Variants in MYRIP observed in about 807,000 individuals in gnomAD.
MYRIP encodes the protein myosin VIIA and Rab interacting protein, also known as rab effector MyRIP.
A neutral mutation model predicts 98.0 loss-of-function variants in MYRIP; 49 were observed. The observed-to-expected ratio is 0.50, with a 90% CI of 0.40 to 0.63. MYRIP has a LOEUF of 0.63. MYRIP is among the 30% of genes least tolerant of loss of function. The probability of loss-of-function intolerance (pLI) is 0.00; values close to 1 mark genes in which losing one functional copy is unlikely to be tolerated. For synonymous variants in MYRIP, 404 were observed against 409.5 expected, an observed-to-expected ratio of 0.99 and a Z score of 0.16; for missense variants, 1,004 against 1,058.2, an observed-to-expected ratio of 0.95 and a Z score of 0.71.
At chr3:40,064,015 A>G (rs1948076946) in intron 3 of MYRIP, among the ~76,000 whole-genome samples, 1 of 152,136 alleles carries the variant, frequency 6.6e-6, no homozygotes, top group Non-Finnish European at 1.5e-5. Context: ...GGCAGGCTAT[A>G]TAAAGTAAAG....
intron 3 of MYRIP, among the ~76,000 whole-genome samples, chr3:40,150,665 A>T (rs1950101605): frequency 6.6e-6 from 1 of 152,208 alleles, no homozygotes; most frequent in Admixed American, 6.5e-5. Context: ...TCCTGGTCGC[A>T]TCTAAGTTCA....
At chr3:40,048,642 A>G (rs1354264208) in intron 3 of MYRIP, among the ~76,000 whole-genome samples, 1 of 152,154 alleles carries the variant, frequency 6.6e-6, no homozygotes, top group Non-Finnish European at 1.5e-5. Flanking sequence ...TCAGTGAAAA[A>G]CAATCCATAT....
At chr3:39,868,772 C>A (rs947953878) in intron 1 of MYRIP, among the ~76,000 whole-genome samples, 5 of 152,158 alleles carry the variant, frequency 3.3e-5, no homozygotes, top group Non-Finnish European at 7.3e-5. Context: ...ACCCCAAACA[C>A]CTCCTTTACG....
intron 3 of MYRIP, among the ~76,000 whole-genome samples, chr3:40,078,781 A>T (rs1316855998): frequency 6.6e-6 from 1 of 152,198 alleles, no homozygotes; most frequent in Non-Finnish European, 1.5e-5. Context: ...TCTGCCAAGA[A>T]TTGGCTTGTG....
intron 8 of MYRIP, chr3:40,173,657 C>A (rs1440880170): frequency 6.6e-6 from 1 of 152,276 alleles, no homozygotes; most frequent in Admixed American, 6.5e-5. Flanking sequence ...AGGGGAATCT[C>A]CCGCCTGGCT....
intron 13 of MYRIP, among the ~76,000 whole-genome samples, chr3:40,245,772 G>A: frequency 9.1e-6 from 1 of 109,624 alleles, no homozygotes; most frequent in African/African-American, 4.6e-5. Flanking sequence ...TTTTGAGACA[G>A]AGTCTTACTC....
chr3:40,002,333 G>A lies in MYRIP; in HGVS notation c.111-41717G>A, dbSNP rs764209966. ...GTGGATCACCTGAGGTCAGGAGTTCGAGACCAGCCTGGCCAACATGGTGAA... is the reference window on the plus strand; with the variant it reads ...GTGGATCACCTGAGGTCAGGAGTTCAAGACCAGCCTGGCCAACATGGTGAA... On this transcript the variant is annotated intron_variant, in intron 2 of 16. Coordinates refer to ENST00000302541, the MANE Select transcript of MYRIP (RefSeq NM_015460.4). Among the ~76,000 whole-genome samples, 13 of 152,160 alleles carry A rather than the reference G, an allele frequency of 8.5e-5. No individual in the cohort carries two copies. In the South Asian group the frequency reaches 1.5e-3, roughly 17 times the overall value.
chr3:39,874,254 G>A (rs551587457), intron 1 of MYRIP, among the ~76,000 whole-genome samples: 184 of 152,210 alleles, frequency 1.2e-3, no homozygotes, highest in East Asian at 1.2e-3. Context: ...AGACAATGGG[G>A]TTTTCTAGAT....
At chr3:40,193,990 A>G (rs1951316472) in intron 10 of MYRIP, among the ~76,000 whole-genome samples, 1 of 152,080 alleles carries the variant, frequency 6.6e-6, no homozygotes, top group Non-Finnish European at 1.5e-5. Flanking sequence ...CAGATCTTTG[A>G]TGGTTACACG....
chr3:40,234,140 G>T, intron 12 of MYRIP, 87 bp downstream of exon 12: 1 of 1,342,362 alleles, frequency 7.4e-7, no homozygotes, highest in Non-Finnish European at 1.0e-6. Flanking sequence ...AAGAGTGCAA[G>T]GACACACACA....
intron 2 of MYRIP, among the ~76,000 whole-genome samples, chr3:40,032,986 A>C (rs1947295088): frequency 6.6e-6 from 1 of 152,028 alleles, no homozygotes; most frequent in Admixed American, 6.6e-5. Context: ...TTATCTCAAT[A>C]GATGCAGAAA....
At chr3:39,874,383 T>C (rs1942909364) in intron 1 of MYRIP, among the ~76,000 whole-genome samples, 3 of 151,782 alleles carry the variant, frequency 2.0e-5, no homozygotes, top group African/African-American at 4.9e-5. Flanking sequence ...CTATGTTGAA[T>C]AGGAGTGGTG....
chr3:39,987,858 C>T (rs1305146404), intron 2 of MYRIP, among the ~76,000 whole-genome samples: 2 of 152,066 alleles, frequency 1.3e-5, no homozygotes, highest in East Asian at 1.9e-4. Context: ...GACACATGCA[C>T]ACGTATGTTT....
rs147338124 is a variant in MYRIP, at chr3:39,811,658, G to C, written c.-31+1742G>C. Among the ~76,000 whole-genome samples the C allele has an allele frequency of 1.9e-3, 282 of 150,402 alleles. 2 individuals are homozygous for C. The highest frequency in any genetic ancestry group is 6.5e-3 in the African/African-American group (263 of 40,474). ...GTCTGTGGGACTGTTTCTGGAGAGTGGGGGGAGGCTGTGTGTGTGTGTGTT... is the reference window on the plus strand; with the variant it reads ...GTCTGTGGGACTGTTTCTGGAGAGTCGGGGGAGGCTGTGTGTGTGTGTGTT... On this transcript the variant is annotated intron_variant, in intron 1 of 16. Transcript: ENST00000302541.
At chr3:39,842,768 G>A (rs1161255660) in intron 1 of MYRIP, among the ~76,000 whole-genome samples, 1 of 152,020 alleles carries the variant, frequency 6.6e-6, no homozygotes, top group Non-Finnish European at 1.5e-5. Flanking sequence ...CCCTGCTTCT[G>A]TCTGCCCTCA....
At chr3:39,928,035 AAAT>A (rs2125697013) in intron 2 of MYRIP, among the ~76,000 whole-genome samples, 1 of 152,166 alleles carries the variant, frequency 6.6e-6, no homozygotes, top group South Asian at 2.1e-4. Context: ...ACATACCTAA[AAAT>A]AATAAGAGCT....
chr3:40,160,369 G>A lies in MYRIP; in HGVS notation c.470-2361G>A, dbSNP rs571910992. ...TGCCTGTTCTCAGATCTCCAGCTGC[G>A]TGCTGGGAGAACCACTGCTGTCTTC... On this transcript the variant is annotated intron_variant, in intron 4 of 16. Transcript: ENST00000302541. Among the ~76,000 whole-genome samples, 421 of 152,292 alleles carry A rather than the reference G, an allele frequency of 2.8e-3. 5 individuals carry two copies. Among genetic ancestry groups the A allele is most frequent in the Non-Finnish European group, 1.8e-3 (122 of 68,028 alleles).
intron 2 of MYRIP, among the ~76,000 whole-genome samples, chr3:40,028,959 C>T (rs1324360386): frequency 2.0e-5 from 3 of 152,040 alleles, no homozygotes; most frequent in African/African-American, 7.2e-5. Context: ...TACTAGATAC[C>T]AGTGAGCTTT....
At chr3:40,197,473 G>A (rs970758675) in intron 10 of MYRIP, among the ~76,000 whole-genome samples, 2 of 152,126 alleles carry the variant, frequency 1.3e-5, no homozygotes, top group African/African-American at 2.4e-5. Context: ...GACATAGATG[G>A]GCTAAAACCC....
Sources: gnomAD v4.1 joint callset for allele counts (sites outside exome capture counted in the v4.1 genomes callset) on GRCh38, gnomAD v4.1.1 for gene constraint, MANE v1.5 for transcripts, NCBI Gene and HGNC (gene_info 2026-07-23, HGNC 2026-07-21) for gene names.